Variants in FSTL4 observed in about 807,000 individuals in gnomAD.
The protein encoded by FSTL4 is follistatin like 4, also known as follistatin-related protein 4.
FSTL4 carries 28 observed loss-of-function variants against 78.2 expected under a neutral mutation model. The ratio of observed to expected loss-of-function variants is 0.36; its 90% confidence interval spans 0.27 to 0.49. The LOEUF is 0.49. FSTL4 is among the 20% of genes least tolerant of loss of function. The probability of loss-of-function intolerance (pLI) is 0.98; values close to 1 mark genes in which losing one functional copy is unlikely to be tolerated. For synonymous variants in FSTL4, 422 were observed against 440.5 expected, an observed-to-expected ratio of 0.96 and a Z score of 0.53; for missense variants, 922 against 1,084.9, an observed-to-expected ratio of 0.85 and a Z score of 2.11.
chr5:133,640,691 A>G, the FSTL4 span, among the ~76,000 whole-genome samples: 46,364 of 152,150 alleles, frequency 0.3, 7,593 homozygotes, highest in Non-Finnish European at 0.35. Context: ...GATGAAAATA[A>G]GAATGGGATA....
intron 4 of FSTL4, among the ~76,000 whole-genome samples, chr5:133,380,817 T>C (rs949260549): frequency 3.3e-5 from 5 of 149,474 alleles, no homozygotes; most frequent in Admixed American, 1.3e-4. Context: ...ATATATATCA[T>C]ATATATATAT....
At chr5:133,719,533 C>T in the FSTL4 span, among the ~76,000 whole-genome samples, 1 of 151,782 alleles carries the variant, frequency 6.6e-6, no homozygotes, top group Non-Finnish European at 1.5e-5. Context: ...ATTAGCCAGG[C>T]GTAGTGGCAC....
chr5:133,363,131 C>T (rs183347002), intron 4 of FSTL4, among the ~76,000 whole-genome samples: 1 of 152,054 alleles, frequency 6.6e-6, no homozygotes, highest in Non-Finnish European at 1.5e-5. Context: ...AAATAATTAC[C>T]CTTCTTTATT....
chr5:133,743,517 T>C, the FSTL4 span, among the ~76,000 whole-genome samples: 1 of 152,176 alleles, frequency 6.6e-6, no homozygotes, highest in Non-Finnish European at 1.5e-5. Context: ...TCTCTACCTG[T>C]ACGAAAAGAT....
At chr5:133,257,918 G>T (rs931795864) in intron 6 of FSTL4, among the ~76,000 whole-genome samples, 1 of 152,154 alleles carries the variant, frequency 6.6e-6, no homozygotes, top group African/African-American at 2.4e-5. Context: ...TGTCTTAAGG[G>T]GGAAAAGAAT....
At chr5:133,509,920 G>A (rs921629118) in intron 3 of FSTL4, among the ~76,000 whole-genome samples, 2 of 152,226 alleles carry the variant, frequency 1.3e-5, no homozygotes, top group Non-Finnish European at 1.5e-5. Flanking sequence ...AGTCATGCAC[G>A]TGTTCACTGA....
intron 12 of FSTL4, 76 bp from the exon 13 acceptor site, chr5:133,217,454 G>T: frequency 7.3e-7 from 1 of 1,371,036 alleles, no homozygotes; most frequent in Non-Finnish European, 1.0e-6. Context: ...TCTCTCCCCT[G>T]ACCCTCCTCT....
At chr5:133,510,323 A>T (rs918786657) in intron 3 of FSTL4, among the ~76,000 whole-genome samples, 16 of 152,110 alleles carry the variant, frequency 1.1e-4, no homozygotes, top group Non-Finnish European at 1.9e-4. Flanking sequence ...TATATTAACA[A>T]ATCCACTGAC....
At chr5:133,457,133 GA>G (rs1757508394) in intron 3 of FSTL4, among the ~76,000 whole-genome samples, 1 of 151,726 alleles carries the variant, frequency 6.6e-6, no homozygotes, top group Non-Finnish European at 1.5e-5. Context: ...AAAAGAAGAA[GA>G]AAAAAAGAAA....
chr5:133,836,194 T>C, the FSTL4 span, among the ~76,000 whole-genome samples: 1 of 152,166 alleles, frequency 6.6e-6, no homozygotes, highest in South Asian at 2.1e-4. Context: ...TATATTTGAG[T>C]TTATAATCTT....
the FSTL4 span, among the ~76,000 whole-genome samples, chr5:133,725,914 C>G: frequency 6.6e-6 from 1 of 152,110 alleles, no homozygotes; most frequent in East Asian, 1.9e-4. Context: ...CTGTTAGCAC[C>G]TTTGTCATTC....
At chr5:133,523,692 A>G (rs1759031245) in intron 3 of FSTL4, among the ~76,000 whole-genome samples, 1 of 152,226 alleles carries the variant, frequency 6.6e-6, no homozygotes, top group Non-Finnish European at 1.5e-5. Context: ...CTGACACATA[A>G]CAGGTACTCA....
chr5:133,475,362 C>T (rs576008606), intron 3 of FSTL4, among the ~76,000 whole-genome samples: 3 of 152,298 alleles, frequency 2.0e-5, no homozygotes, highest in South Asian at 2.1e-4. Context: ...ACAAAGGCGG[C>T]GTCCGACCGT....
intron 6 of FSTL4, among the ~76,000 whole-genome samples, chr5:133,296,748 A>G (rs968777389): frequency 6.6e-6 from 1 of 152,142 alleles, no homozygotes; most frequent in Non-Finnish European, 1.5e-5. Flanking sequence ...GTTGTAATCT[A>G]CGCATCCATT....
At chr5:133,836,919 T>C in the FSTL4 span, among the ~76,000 whole-genome samples, 135 of 152,330 alleles carry the variant, frequency 8.9e-4, no homozygotes, top group African/African-American at 3.2e-3. Context: ...GTGATGTGTC[T>C]AGGTGTATTC....
chr5:133,402,315 C>T (rs376607324), intron 3 of FSTL4, among the ~76,000 whole-genome samples: 14 of 152,278 alleles, frequency 9.2e-5, no homozygotes, highest in Middle Eastern at 3.4e-3. Flanking sequence ...GCGAAACAGG[C>T]GTCCATCACC....
chr5:133,638,773 T>C, the FSTL4 span, among the ~76,000 whole-genome samples: 1 of 151,670 alleles, frequency 6.6e-6, no homozygotes, highest in African/African-American at 2.4e-5. Context: ...CCACGAGGGC[T>C]GGACGTTTTT....
chr5:133,360,868 C>T (rs892227794), intron 4 of FSTL4, among the ~76,000 whole-genome samples: 21 of 152,144 alleles, frequency 1.4e-4, no homozygotes, highest in African/African-American at 4.8e-4. Context: ...CAATTATCAC[C>T]GTGAGTGATA....
the FSTL4 span, among the ~76,000 whole-genome samples, chr5:133,724,158 A>G: frequency 1.3e-5 from 2 of 152,138 alleles, no homozygotes; most frequent in Non-Finnish European, 2.9e-5. Flanking sequence ...TCTGGGGGTA[A>G]CTCAGCATGT....
Sources: allele counts gnomAD v4.1 joint callset (sites outside exome capture counted in the v4.1 genomes callset), GRCh38; gene constraint gnomAD v4.1.1; transcripts MANE v1.5; gene names NCBI Gene and HGNC (gene_info 2026-07-23, HGNC 2026-07-21).